Variants in LRMDA observed in about 807,000 individuals in gnomAD.
LRMDA encodes leucine-rich melanocyte differentiation-associated protein.
Under a neutral mutation model 29.8 loss-of-function variants are expected in LRMDA, and 18 were observed. The ratio of observed to expected loss-of-function variants is 0.60; its 90% confidence interval spans 0.42 to 0.90. The LOEUF (loss-of-function observed/expected upper bound fraction) is 0.90. Among genes scored for constraint, LRMDA ranks in the 40% least tolerant of loss-of-function variants. The probability of loss-of-function intolerance (pLI) is 0.00; values close to 1 mark genes in which losing one functional copy is unlikely to be tolerated. For missense variants in LRMDA, 273 were observed against 273.9 expected (o/e 1.00, Z 0.02); for synonymous variants, 125 against 109.4 (o/e 1.14, Z -0.89).
intron 5 of LRMDA, among the ~76,000 whole-genome samples, chr10:76,305,068 A>G (rs1330595154): frequency 1.3e-5 from 2 of 152,136 alleles, no homozygotes; most frequent in Admixed American, 6.5e-5. Flanking sequence ...CTCTGTAACC[A>G]TCTGGGTTAC....
At chr10:75,678,673 A>G (rs1274066931) in intron 2 of LRMDA, among the ~76,000 whole-genome samples, 4 of 152,224 alleles carry the variant, frequency 2.6e-5, no homozygotes, top group Non-Finnish European at 5.9e-5. Context: ...AGTCATCAAA[A>G]TGTTGACAGC....
At chr10:76,076,370 A>T (rs12415232) in intron 5 of LRMDA, among the ~76,000 whole-genome samples, 1 of 145,416 alleles carries the variant, frequency 6.9e-6, no homozygotes, top group Non-Finnish European at 1.5e-5. Flanking sequence ...AAAAAAAAAG[A>T]CTTAACAACT....
chr10:75,431,810 A>G (rs1844201668), intron 1 of LRMDA, 56 bp downstream of exon 1: 4 of 1,293,270 alleles, frequency 3.1e-6, no homozygotes, highest in Admixed American at 3.8e-5. Flanking sequence ...GGGGAGGGAC[A>G]GCGGGGCACA....
At chr10:75,651,817 G>A (rs1429219831) in intron 2 of LRMDA, among the ~76,000 whole-genome samples, 1 of 152,024 alleles carries the variant, frequency 6.6e-6, no homozygotes, top group Non-Finnish European at 1.5e-5. Flanking sequence ...CATTGTATAG[G>A]GTTTTGATGA....
intron 2 of LRMDA, among the ~76,000 whole-genome samples, chr10:75,753,377 A>G (rs1842990366): frequency 1.3e-5 from 2 of 152,220 alleles, no homozygotes; most frequent in African/African-American, 4.8e-5. Context: ...TGGTTCTAAT[A>G]AAACAGAGTG....
intron 2 of LRMDA, among the ~76,000 whole-genome samples, chr10:75,671,109 C>A (rs1415527436): frequency 6.6e-6 from 1 of 152,154 alleles, no homozygotes; most frequent in Non-Finnish European, 1.5e-5. Flanking sequence ...TCAGAGGATG[C>A]TGGGAATGCA....
chr10:76,050,997 A>G (rs981011947), intron 4 of LRMDA, among the ~76,000 whole-genome samples: 1 of 152,032 alleles, frequency 6.6e-6, no homozygotes, highest in Non-Finnish European at 1.5e-5. Context: ...TCCTCCCTGT[A>G]GGGCCTTCTG....
At chr10:76,472,811 C>G (rs1199035146) in intron 6 of LRMDA, among the ~76,000 whole-genome samples, 2 of 151,150 alleles carry the variant, frequency 1.3e-5, no homozygotes, top group Non-Finnish European at 1.5e-5. Flanking sequence ...AAGACAGACT[C>G]AAGAAGAAAT....
At chr10:76,429,023 T>TACACACACGCAC (rs1842160831) in intron 6 of LRMDA, among the ~76,000 whole-genome samples, 2 of 149,846 alleles carry the variant, frequency 1.3e-5, no homozygotes, top group African/African-American at 4.9e-5. Context: ...CTGCCAATTA[T>TACACACACGCAC]ACACACACAC....
At chr10:76,414,172 G>A (rs1293985685) in intron 6 of LRMDA, among the ~76,000 whole-genome samples, 1 of 152,304 alleles carries the variant, frequency 6.6e-6, no homozygotes. Context: ...CTCATCTAGT[G>A]AAAGGACATT....
rs1449970248 is a variant in LRMDA, at chr10:75,529,963, C to G, written c.131+91469C>G. Among the ~76,000 whole-genome samples the G allele has an allele frequency of 2.0e-5, 3 of 151,676 alleles. No individual in the cohort carries two copies. In the East Asian group the frequency reaches 5.8e-4, roughly 29 times the overall value. On this transcript the variant is annotated intron_variant, in intron 2 of 6. Transcript: ENST00000611255. ...AATCAAGGGACATGGAGGAAAATAC[C>G]AAAGCATCAGCTCAGAGAGATGGTG...
intron 6 of LRMDA, among the ~76,000 whole-genome samples, chr10:76,399,733 T>G (rs546542052): frequency 6.6e-6 from 1 of 152,232 alleles, no homozygotes; most frequent in Non-Finnish European, 1.5e-5. Context: ...GTTCAAAACC[T>G]TGGAACTTTT....
chr10:76,115,559 G>A (rs964684545), intron 5 of LRMDA, among the ~76,000 whole-genome samples: 1 of 152,244 alleles, frequency 6.6e-6, no homozygotes, highest in African/African-American at 2.4e-5. Flanking sequence ...GAGGTGCAGG[G>A]AGACAGGGAG....
chr10:76,186,582 C>T (rs11816117), intron 5 of LRMDA, among the ~76,000 whole-genome samples: 19,652 of 152,220 alleles, frequency 0.13, 2,072 homozygotes, highest in African/African-American at 0.29. Flanking sequence ...TAGGACCACC[C>T]TCCGCCTGGC....
At chr10:76,195,416 T>C (rs1345945262) in intron 5 of LRMDA, among the ~76,000 whole-genome samples, 1 of 152,218 alleles carries the variant, frequency 6.6e-6, no homozygotes, top group Non-Finnish European at 1.5e-5. Context: ...TTTGTCCATC[T>C]AATTAGCACT....
At chr10:75,802,636 C>T (rs2132262697) in intron 2 of LRMDA, among the ~76,000 whole-genome samples, 1 of 151,928 alleles carries the variant, frequency 6.6e-6, no homozygotes, top group African/African-American at 2.4e-5. Context: ...TTAGCAATAG[C>T]TTCAAGAACG....
At chr10:76,007,646 A>C (rs1176565190) in intron 2 of LRMDA, among the ~76,000 whole-genome samples, 5 of 152,144 alleles carry the variant, frequency 3.3e-5, no homozygotes, top group Admixed American at 3.3e-4. Context: ...AACCTAGAGG[A>C]CATCTCCTGG....
intron 2 of LRMDA, among the ~76,000 whole-genome samples, chr10:75,468,974 T>G (rs1844692401): frequency 6.6e-6 from 1 of 152,142 alleles, no homozygotes; most frequent in Non-Finnish European, 1.5e-5. Flanking sequence ...GGCCCTGCAT[T>G]TGGAAAGAGT....
At chr10:75,754,019 G>T (rs561850902) in intron 2 of LRMDA, among the ~76,000 whole-genome samples, 1 of 152,238 alleles carries the variant, frequency 6.6e-6, no homozygotes, top group Admixed American at 6.5e-5. Context: ...GGAAGGCAAG[G>T]TTCCTTTTGC....
Sources: gnomAD v4.1 joint callset for allele counts (sites outside exome capture counted in the v4.1 genomes callset) on GRCh38, gnomAD v4.1.1 for gene constraint, MANE v1.5 for transcripts, NCBI Gene and HGNC (gene_info 2026-07-23, HGNC 2026-07-21) for gene names.